Variants in ZC4H2 observed in about 807,000 individuals in gnomAD.
The protein encoded by ZC4H2 is zinc finger C4H2 domain-containing protein.
For synonymous variants in ZC4H2, 84 were observed against 66.3 expected, an observed-to-expected ratio of 1.27 and a Z score of -1.30; for missense variants, 137 against 173.9, an observed-to-expected ratio of 0.79 and a Z score of 1.19.
chrX:64,957,521 T>C (rs1569216177), intron 1 of ZC4H2, among the ~76,000 whole-genome samples: 1 of 111,990 alleles, frequency 8.9e-6, no homozygotes, highest in Non-Finnish European at 1.9e-5. Flanking sequence ...TTTTCTATGT[T>C]TGTATTTATT....
chrX:65,015,528 C>T (rs146752337), intron 1 of ZC4H2, among the ~76,000 whole-genome samples: 1 of 111,838 alleles, frequency 8.9e-6, no homozygotes, highest in Non-Finnish European at 1.9e-5. Flanking sequence ...GCTGGGTTAG[C>T]CTTACTCCTC....
chrX:64,939,753 C>T (rs1471911157), intron 1 of ZC4H2, among the ~76,000 whole-genome samples: 1 of 111,908 alleles, frequency 8.9e-6, no homozygotes, highest in African/African-American at 3.3e-5. Flanking sequence ...AACTCGACCC[C>T]TTACTTACAC....
At chrX:64,989,949 A>G (rs1932277711) in intron 1 of ZC4H2, among the ~76,000 whole-genome samples, 1 of 112,260 alleles carries the variant, frequency 8.9e-6, no homozygotes, top group Non-Finnish European at 1.9e-5. Flanking sequence ...CGGTACAACC[A>G]TTATGGACAA....
intron 1 of ZC4H2, among the ~76,000 whole-genome samples, chrX:64,938,180 T>A (rs753887345): frequency 5.4e-5 from 6 of 111,395 alleles, no homozygotes; most frequent in Non-Finnish European, 7.5e-5. Flanking sequence ...AACTAGAAAA[T>A]CTAGAAGAAA....
rs368372475 is a variant in ZC4H2, at chrX:64,976,369, A to G, written c.9T>C (p.Asp3=). The G allele has an allele frequency of 8.1e-5, 98 of 1,210,164 alleles. No homozygotes were observed. The highest frequency in any genetic ancestry group is 1.1e-4 in the Non-Finnish European group (97 of 895,137). ...CCAATTTGCACATGATTTCTTGCTCATCTGCCATACTTTTCACTGTCAATT... is the reference window on the plus strand; with the variant it reads ...CCAATTTGCACATGATTTCTTGCTCGTCTGCCATACTTTTCACTGTCAATT... The part of the protein sequence containing the change: MA[D]EQEIMCKLES... Residue 3 remains aspartate (D), a synonymous_variant, in exon 1 of 5, where the codon GAT becomes GAC. Coordinates refer to ENST00000374839, the MANE Select transcript of ZC4H2 (RefSeq NM_018684.4).
chrX:64,959,838 G>A (rs1372721163), intron 1 of ZC4H2, among the ~76,000 whole-genome samples: 2 of 110,440 alleles, frequency 1.8e-5, no homozygotes, highest in Non-Finnish European at 3.8e-5. Context: ...AACACCAATG[G>A]ATTTTAAGAC....
At chrX:64,931,439 A>T (rs775514967) in intron 1 of ZC4H2, among the ~76,000 whole-genome samples, 1 of 111,265 alleles carries the variant, frequency 9.0e-6, no homozygotes, top group East Asian at 2.8e-4. Context: ...GAGGTGTGAC[A>T]TTGGGTTGTC....
intron 1 of ZC4H2, among the ~76,000 whole-genome samples, chrX:64,952,263 A>C (rs1930884092): frequency 9.1e-6 from 1 of 109,917 alleles, no homozygotes; most frequent in African/African-American, 3.4e-5. Flanking sequence ...CTTTTGGCTT[A>C]GGATTGACTT....
chrX:65,017,624 G>C (rs1193434869), intron 1 of ZC4H2, among the ~76,000 whole-genome samples: 7 of 111,906 alleles, frequency 6.3e-5, no homozygotes, highest in Non-Finnish European at 1.3e-4. Flanking sequence ...ATTCCTAGGT[G>C]GAGTCTGTTT....
intron 1 of ZC4H2, among the ~76,000 whole-genome samples, chrX:64,971,584 T>C (rs986305376): frequency 5.4e-5 from 6 of 111,614 alleles, no homozygotes; most frequent in African/African-American, 1.3e-4. Context: ...TTGATTGCTG[T>C]AGGAAGAGAC....
intron 1 of ZC4H2, among the ~76,000 whole-genome samples, chrX:64,951,527 T>C (rs34054698): frequency 0.12 from 13,929 of 112,021 alleles, 2,088 homozygotes; most frequent in African/African-American, 0.42. Flanking sequence ...AATTTGGTTT[T>C]GATTTGCATT....
At chrX:64,924,209 G>A (rs913366712) in intron 1 of ZC4H2, among the ~76,000 whole-genome samples, 1 of 111,944 alleles carries the variant, frequency 8.9e-6, no homozygotes, top group African/African-American at 3.2e-5. Context: ...CATAAAAGAA[G>A]CATGCGCTTT....
At chrX:64,952,609 A>G (rs1056563745) in intron 1 of ZC4H2, among the ~76,000 whole-genome samples, 3 of 111,291 alleles carry the variant, frequency 2.7e-5, no homozygotes, top group African/African-American at 6.5e-5. Context: ...TCCAACTTAC[A>G]AGAGATGTGA....
intron 1 of ZC4H2, among the ~76,000 whole-genome samples, chrX:64,991,143 G>C (rs1050140440): frequency 8.9e-6 from 1 of 112,001 alleles, no homozygotes; most frequent in Non-Finnish European, 1.9e-5. Context: ...TTCCTGTGAA[G>C]AAAGTATCAT....
At chrX:64,962,699 C>G (rs1350119980) in intron 1 of ZC4H2, among the ~76,000 whole-genome samples, 2 of 111,699 alleles carry the variant, frequency 1.8e-5, no homozygotes, top group East Asian at 5.6e-4. Context: ...AGTAAAGTTA[C>G]AAGATGCAAA....
intron 1 of ZC4H2, among the ~76,000 whole-genome samples, chrX:65,031,912 C>T (rs1378273078): frequency 8.9e-6 from 1 of 112,462 alleles, no homozygotes; most frequent in Non-Finnish European, 1.9e-5. Flanking sequence ...CTCAAGTGGA[C>T]TGTTGCAATA....
intron 1 of ZC4H2, among the ~76,000 whole-genome samples, chrX:64,984,715 T>C (rs1443991937): frequency 8.9e-6 from 1 of 112,034 alleles, no homozygotes; most frequent in Admixed American, 9.4e-5. Context: ...TTTCTTATCT[T>C]GTGGCTACTT....
At chrX:64,932,200 T>C (rs1459944443) in intron 1 of ZC4H2, among the ~76,000 whole-genome samples, 1 of 111,439 alleles carries the variant, frequency 9.0e-6, no homozygotes, top group Non-Finnish European at 1.9e-5. Flanking sequence ...TGGTTTCCAT[T>C]TGTGTGGAAT....
At chrX:64,959,107 A>G (rs1931279033) in intron 1 of ZC4H2, among the ~76,000 whole-genome samples, 1 of 110,914 alleles carries the variant, frequency 9.0e-6, no homozygotes, top group Non-Finnish European at 1.9e-5. Flanking sequence ...GATTGTGACT[A>G]TAAATGGAAG....
Sources: allele counts gnomAD v4.1 joint callset (sites outside exome capture counted in the v4.1 genomes callset), GRCh38; gene constraint gnomAD v4.1.1; transcripts MANE v1.5; gene names NCBI Gene and HGNC (gene_info 2026-07-23, HGNC 2026-07-21).